CEPT1: variants seen among roughly 807,000 people sequenced by gnomAD.
CEPT1 encodes the protein choline/ethanolaminephosphotransferase 1.
CEPT1 carries 7 observed loss-of-function variants against 42.6 expected under a neutral mutation model. The observed-to-expected ratio is 0.16, with a 90% confidence interval of 0.09 to 0.31. The LOEUF is 0.31. Ranked by LOEUF, CEPT1 falls within the 10% of genes least tolerant of loss-of-function variation. The probability of loss-of-function intolerance (pLI) is 1.00; values close to 1 mark genes in which losing one functional copy is unlikely to be tolerated. For synonymous variants in CEPT1, 171 were observed against 171.9 expected (o/e 0.99, Z 0.04); for missense variants, 306 against 502.1 (o/e 0.61, Z 3.73).
chr1:111,184,127 C>G (rs1297371479), intron 8 of CEPT1, 64 bp from the exon 9 acceptor site: 1 of 1,567,094 alleles, frequency 6.4e-7, no homozygotes, highest in East Asian at 2.3e-5. Context: ...GTCCAGTCCT[C>G]TTTACTTTCA....
chr1:111,176,482 A>G (rs1279057748), intron 5 of CEPT1, among the ~76,000 whole-genome samples: 1 of 152,170 alleles, frequency 6.6e-6, no homozygotes, highest in Non-Finnish European at 1.5e-5. Flanking sequence ...TATTTGTAAT[A>G]TGTTGTACAT....
At position 111,165,131 on chromosome 1, in the gene CEPT1, C is replaced by G. The variant is rs559078525; in HGVS notation, c.629+3835C>G. On this transcript the variant is annotated intron_variant, in intron 4 of 8. Transcript: ENST00000357172. Reference sequence around the variant, plus strand: ...GTGGTGCGATCTCGACTCACTGCAACCTCCGCCTCCTGGGTTCATGCCATT... The same window carrying G: ...GTGGTGCGATCTCGACTCACTGCAAGCTCCGCCTCCTGGGTTCATGCCATT... Among the ~76,000 whole-genome samples the G allele has an allele frequency of 8.4e-4, 119 of 142,364 alleles. 1 individual carries two copies. Among genetic ancestry groups the G allele is most frequent in the South Asian group, 2.1e-3 (9 of 4,344 alleles). 93.4% of individuals were successfully genotyped at this position (142,364 alleles called of 152,430 possible).
chr1:111,171,576 A>AT (rs1334588397), intron 4 of CEPT1, among the ~76,000 whole-genome samples: 1 of 152,000 alleles, frequency 6.6e-6, no homozygotes, highest in Non-Finnish European at 1.5e-5. Flanking sequence ...CTTTTTATTT[A>AT]TTTTTTGTGA....
chr1:111,164,912 C>T (rs906731000), intron 4 of CEPT1, among the ~76,000 whole-genome samples: 5 of 151,494 alleles, frequency 3.3e-5, no homozygotes, highest in African/African-American at 9.7e-5. Flanking sequence ...TGAGCCACCG[C>T]ACCCGGCCTA....
chr1:111,164,214 C>G (rs547469978), intron 4 of CEPT1, among the ~76,000 whole-genome samples: 1 of 152,284 alleles, frequency 6.6e-6, no homozygotes. Context: ...TTTGAGAAAG[C>G]AGATGTGCTT....
chr1:111,153,668 G>A (rs1468007797), intron 2 of CEPT1, among the ~76,000 whole-genome samples: 1 of 152,138 alleles, frequency 6.6e-6, no homozygotes, highest in Non-Finnish European at 1.5e-5. Context: ...TAGGGGTCTA[G>A]TTTCATTTTT....
intron 4 of CEPT1, among the ~76,000 whole-genome samples, chr1:111,168,480 A>C (rs1479416696): frequency 1.3e-5 from 2 of 150,854 alleles, no homozygotes; most frequent in Non-Finnish European, 3.0e-5. Context: ...CTTGTTGGCC[A>C]AGTTCTTTGG....
At chr1:111,167,420 G>A (rs1656193606) in intron 4 of CEPT1, 3 of 909,420 alleles carry the variant, frequency 3.3e-6, no homozygotes, top group Non-Finnish European at 3.9e-6. Context: ...TGATGCTAAA[G>A]TCAATTCTCC....
At chr1:111,155,122 G>A (rs1655491570) in intron 2 of CEPT1, among the ~76,000 whole-genome samples, 1 of 152,088 alleles carries the variant, frequency 6.6e-6, no homozygotes, top group South Asian at 2.1e-4. Flanking sequence ...GTTTTTCTTT[G>A]TTGGAAAACT....
At chr1:111,147,298 G>A (rs141091741) in intron 1 of CEPT1, among the ~76,000 whole-genome samples, 205 of 152,242 alleles carry the variant, frequency 1.3e-3, no homozygotes, top group Non-Finnish European at 2.5e-3. Context: ...CTCAGTTTCC[G>A]TATATGTGTA....
intron 2 of CEPT1, among the ~76,000 whole-genome samples, chr1:111,148,769 T>C (rs1474129390): frequency 6.6e-6 from 1 of 152,242 alleles, no homozygotes; most frequent in East Asian, 1.9e-4. Context: ...TACATTGATA[T>C]TTATTTCTTT....
At chr1:111,162,468 G>A (rs1655924835) in intron 4 of CEPT1, among the ~76,000 whole-genome samples, 1 of 152,186 alleles carries the variant, frequency 6.6e-6, no homozygotes, top group Non-Finnish European at 1.5e-5. Context: ...TTCCTTGGGT[G>A]GCTGGATGAA....
At position 111,182,848 on chromosome 1, in the gene CEPT1, T is replaced by G; in HGVS notation, c.896T>G (p.Leu299Ter). ...PFLHIGSVITLAAMIYKKSAV... is the reference protein window; with the variant it reads ...PFLHIGSVIT ...CTCCATATTGGATCAGTGATTACATTAGCTGCAATGATCTACAAGAAATCT... is the reference window on the plus strand; with the variant it reads ...CTCCATATTGGATCAGTGATTACATGAGCTGCAATGATCTACAAGAAATCT... The change falls in exon 7 of 9, where the codon TTA becomes TGA. Residue 299 changes from leucine to a stop codon, truncating the protein, a stop_gained. Transcript: ENST00000357172. LOFTEE classifies it high-confidence loss of function. The G allele has an allele frequency of 6.2e-7, 1 of 1,613,566 alleles. No individual in the cohort carries two copies.
chr1:111,146,976 T>C (rs1275521905), intron 1 of CEPT1, among the ~76,000 whole-genome samples: 1 of 152,194 alleles, frequency 6.6e-6, no homozygotes, highest in Admixed American at 6.5e-5. Context: ...TTTGTTTGAA[T>C]ACTACTTGGT....
intron 5 of CEPT1, chr1:111,179,080 T>G (rs1292086375): frequency 6.6e-6 from 1 of 152,210 alleles, no homozygotes; most frequent in African/African-American, 2.4e-5. Flanking sequence ...GTACAAAGCC[T>G]GTAAGGACAT....
rs1657140171 is a variant in CEPT1, at chr1:111,184,187, C to G, written c.1132-4C>G. 1 of 1,612,948 alleles carries G rather than the reference C, an allele frequency of 6.2e-7. No individual in the cohort carries two copies. Among genetic ancestry groups the G allele is most frequent in the African/African-American group, 1.3e-5 (1 of 74,840 alleles). On this transcript the variant is annotated splice_region_variant and splice_polypyrimidine_tract_variant and intron_variant, in intron 8 of 8. Transcript: ENST00000357172. ...GGTGCTGAGAATGTCTCTTTTCTTT[C>G]CAGGTTTTCTCTTTCTTTGATTTGA...
chr1:111,147,687 C>T lies in CEPT1; in HGVS notation c.-28C>T. Reference sequence around the variant, plus strand: ...CCTACAAAAGAAGGGAAATTACTGTCTTTAAATATTAAAAAAAAACAAGAT... The same window carrying T: ...CCTACAAAAGAAGGGAAATTACTGTTTTTAAATATTAAAAAAAAACAAGAT... On this transcript the variant is annotated 5_prime_UTR_variant, in exon 2 of 9. Transcript: ENST00000357172. 1 of 1,523,078 alleles carries T rather than the reference C, an allele frequency of 6.6e-7. No individual in the cohort carries two copies. The highest frequency in any genetic ancestry group is 8.9e-7 in the Non-Finnish European group (1 of 1,120,970). The allele number at this position is 1,523,078 out of a possible 1,614,324, so 94.3% of individuals were successfully genotyped here. A position where few individuals can be genotyped will look rare whatever the true frequency, so the allele number is the denominator to read the frequency against.
At chr1:111,155,447 G>A (rs549912805) in intron 2 of CEPT1, among the ~76,000 whole-genome samples, 1 of 144,930 alleles carries the variant, frequency 6.9e-6, no homozygotes, top group South Asian at 2.1e-4. Context: ...TTTATCATTT[G>A]TGTGTGTGTG....
intron 2 of CEPT1, among the ~76,000 whole-genome samples, chr1:111,156,780 AGCATGTATATATATATTT>A (rs1353098841): frequency 6.6e-6 from 1 of 152,182 alleles, no homozygotes; most frequent in Non-Finnish European, 1.5e-5. Flanking sequence ...CTCTTGTACT[AGCATGTATATATATATTT>A]GTATGTATGT....
Sources: gnomAD v4.1 joint callset for allele counts (sites outside exome capture counted in the v4.1 genomes callset) on GRCh38, gnomAD v4.1.1 for gene constraint, MANE v1.5 for transcripts, NCBI Gene and HGNC (gene_info 2026-07-23, HGNC 2026-07-21) for gene names.